ERC2: variants seen among roughly 807,000 people sequenced by gnomAD.
ERC2 encodes ELKS/RAB6-interacting/CAST family member 2, also known as ERC protein 2.
ERC2 carries 42 observed loss-of-function variants against 114.8 expected under a neutral mutation model. The ratio of observed to expected loss-of-function variants is 0.37; its 90% CI spans 0.29 to 0.47. The LOEUF (loss-of-function observed/expected upper bound fraction) is 0.47. Among genes scored for constraint, ERC2 ranks in the 20% least tolerant of loss-of-function variants. The probability of loss-of-function intolerance (pLI) is 0.99; values close to 1 mark genes in which losing one functional copy is unlikely to be tolerated. For missense variants in ERC2, 939 were observed against 1,150.7 expected (o/e 0.82, Z 2.66); for synonymous variants, 454 against 425.5 (o/e 1.07, Z -0.82).
At chr3:55,863,874 A>G (rs528768854) in intron 14 of ERC2, among the ~76,000 whole-genome samples, 1 of 151,758 alleles carries the variant, frequency 6.6e-6, no homozygotes, top group Admixed American at 6.6e-5. Context: ...TCTCAATTGT[A>G]CTAGCCGTAT....
intron 14 of ERC2, among the ~76,000 whole-genome samples, chr3:55,810,543 A>G (rs2059679537): frequency 6.6e-6 from 1 of 151,592 alleles, no homozygotes; most frequent in African/African-American, 2.4e-5. Context: ...GCTCACTGCA[A>G]CCTCCGCCTC....
chr3:56,236,628 T>G (rs186252966), intron 3 of ERC2, among the ~76,000 whole-genome samples: 265 of 152,282 alleles, frequency 1.7e-3, no homozygotes, highest in African/African-American at 6.2e-3. Flanking sequence ...TCTCAAGCAC[T>G]GGGGTCTATT....
At chr3:55,651,239 C>A (rs1485670956) in intron 17 of ERC2, among the ~76,000 whole-genome samples, 1 of 152,060 alleles carries the variant, frequency 6.6e-6, no homozygotes, top group East Asian at 1.9e-4. Context: ...TTCTGCAAGT[C>A]CACAGCCTCC....
intron 3 of ERC2, among the ~76,000 whole-genome samples, chr3:56,236,563 T>C (rs2050961217): frequency 6.6e-6 from 1 of 152,202 alleles, no homozygotes; most frequent in Admixed American, 6.5e-5. Flanking sequence ...AACGGTGTGC[T>C]TTGAGAGTTG....
At chr3:56,311,251 CTCTCTATATA>C (rs1374269845) in intron 2 of ERC2, among the ~76,000 whole-genome samples, 2 of 42,778 alleles carry the variant, frequency 4.7e-5, no homozygotes, top group East Asian at 6.0e-4. Context: ...CTCTCTCTCT[CTCTCTATATA>C]TATATATATA....
chr3:56,236,858 A>G (rs2050981271), intron 3 of ERC2, among the ~76,000 whole-genome samples: 2 of 152,214 alleles, frequency 1.3e-5, no homozygotes, highest in South Asian at 4.1e-4. Context: ...AGCCAACATA[A>G]GCACAATTCC....
chr3:56,215,030 G>A (rs555779793), intron 3 of ERC2, among the ~76,000 whole-genome samples: 1 of 152,314 alleles, frequency 6.6e-6, no homozygotes, highest in South Asian at 2.1e-4. Context: ...ACCAGCCACT[G>A]CAAAAACATG....
chr3:55,583,342 T>TCTGCCTGC (rs560504811), intron 17 of ERC2, among the ~76,000 whole-genome samples: 39 of 149,050 alleles, frequency 2.6e-4, no homozygotes, highest in African/African-American at 5.6e-4. Flanking sequence ...TGCCTGCCTG[T>TCTGCCTGC]CTGCCTGCCT....
intron 2 of ERC2, among the ~76,000 whole-genome samples, chr3:56,370,874 A>G (rs577662456): frequency 6.6e-6 from 1 of 152,318 alleles, no homozygotes; most frequent in South Asian, 2.1e-4. Flanking sequence ...GATTGCAGGC[A>G]TGAGGCACTG....
chr3:55,828,366 G>C (rs2060419858), intron 14 of ERC2, among the ~76,000 whole-genome samples: 1 of 151,880 alleles, frequency 6.6e-6, no homozygotes, highest in Non-Finnish European at 1.5e-5. Context: ...CCTGGGGAAA[G>C]AGACCCCTGA....
chr3:56,147,353 T>C (rs942792511), intron 5 of ERC2, among the ~76,000 whole-genome samples: 6 of 152,206 alleles, frequency 3.9e-5, no homozygotes, highest in African/African-American at 1.4e-4. Flanking sequence ...GACAGTCCCC[T>C]CATATCTCCA....
intron 17 of ERC2, among the ~76,000 whole-genome samples, chr3:55,678,303 T>C (rs769684903): frequency 6.6e-6 from 1 of 152,148 alleles, no homozygotes; most frequent in African/African-American, 2.4e-5. Context: ...AATAATATAC[T>C]TAGAATTTCA....
intron 10 of ERC2, among the ~76,000 whole-genome samples, chr3:55,992,547 C>A (rs1020438744): frequency 4.6e-5 from 7 of 152,182 alleles, no homozygotes; most frequent in Non-Finnish European, 8.8e-5. Flanking sequence ...GGGTTAGATA[C>A]TGTGATGTCT....
chr3:55,980,030 T>C (rs143394418), intron 12 of ERC2, among the ~76,000 whole-genome samples: 2 of 145,218 alleles, frequency 1.4e-5, no homozygotes, highest in South Asian at 2.2e-4. Context: ...AAACACAGTC[T>C]ACAATTTCTA....
At chr3:56,103,863 A>G (rs927282394) in intron 6 of ERC2, among the ~76,000 whole-genome samples, 11 of 152,116 alleles carry the variant, frequency 7.2e-5, no homozygotes, top group Admixed American at 1.3e-4. Context: ...CTTGGTGTCA[A>G]GAGGAGTTTG....
chr3:56,347,470 G>A (rs2058354065), intron 2 of ERC2, among the ~76,000 whole-genome samples: 1 of 151,860 alleles, frequency 6.6e-6, no homozygotes, highest in Admixed American at 6.6e-5. Flanking sequence ...TTGGCTTCCT[G>A]CCCCTGTGAG....
chr3:55,543,592 G>A (rs2054545676), intron 17 of ERC2, among the ~76,000 whole-genome samples: 1 of 152,160 alleles, frequency 6.6e-6, no homozygotes, highest in Non-Finnish European at 1.5e-5. Context: ...GACATGGTGT[G>A]TGGTCACCTT....
chr3:56,388,243 G>A (rs942475027), intron 2 of ERC2, among the ~76,000 whole-genome samples: 1 of 152,144 alleles, frequency 6.6e-6, no homozygotes, highest in East Asian at 1.9e-4. Flanking sequence ...CTTGGATCAT[G>A]GGGACAGATC....
intron 17 of ERC2, among the ~76,000 whole-genome samples, chr3:55,563,325 T>C (rs2056157525): frequency 6.7e-6 from 1 of 149,674 alleles, no homozygotes; most frequent in South Asian, 2.1e-4. Context: ...CTGAGTGTCT[T>C]TCCTTTTTTT....
Sources: allele counts gnomAD v4.1 joint callset (sites outside exome capture counted in the v4.1 genomes callset), GRCh38; gene constraint gnomAD v4.1.1; transcripts MANE v1.5; gene names NCBI Gene and HGNC (gene_info 2026-07-23, HGNC 2026-07-21).